DYNC2H1: variants seen among roughly 807,000 people sequenced by gnomAD.
The protein encoded by DYNC2H1 is cytoplasmic dynein 2 heavy chain 1.
A neutral mutation model predicts 570.0 loss-of-function variants in DYNC2H1; 410 were observed. That is an observed-to-expected ratio of 0.72 (90% CI 0.66 to 0.78). The LOEUF (loss-of-function observed/expected upper bound fraction) is 0.78. Among genes scored for constraint, DYNC2H1 ranks in the 30% least tolerant of loss-of-function variants. The probability of loss-of-function intolerance (pLI) is 0.00; values close to 1 mark genes in which losing one functional copy is unlikely to be tolerated. For missense variants in DYNC2H1, 4,865 were observed against 5,046.4 expected, an observed-to-expected ratio of 0.96 and a Z score of 1.09; for synonymous variants, 1,688 against 1,677.6, an observed-to-expected ratio of 1.01 and a Z score of -0.15.
At position 103,239,131 on chromosome 11, in the gene DYNC2H1, G is replaced by A. The variant is rs1015167975; in HGVS notation, c.9819+2592G>A. On this transcript the variant is annotated intron_variant, in intron 63 of 88. Transcript: ENST00000375735. This position sits in a 1 kb window ranked among gnomAD's most constrained non-coding sequence, Gnocchi z 4.3. Reference sequence around the variant, plus strand: ...CTAATTAAAATATCAGATTTTATATGGGTTTTTCTTGTGATGACATCTATT... The same window carrying A: ...CTAATTAAAATATCAGATTTTATATAGGTTTTTCTTGTGATGACATCTATT... Among the ~76,000 whole-genome samples, 3 of 152,086 alleles carry A rather than the reference G, an allele frequency of 2.0e-5. No individual in the cohort carries two copies. Among genetic ancestry groups the A allele is most frequent in the African/African-American group, 4.8e-5 (2 of 41,428 alleles).
At chr11:103,339,003 C>G (rs1334485548) in intron 82 of DYNC2H1, among the ~76,000 whole-genome samples, 1 of 152,188 alleles carries the variant, frequency 6.6e-6, no homozygotes, top group Non-Finnish European at 1.5e-5. Flanking sequence ...AGTGTTGTTA[C>G]CATAGCTGTA....
rs1259874942 is a variant in DYNC2H1 at position 103,186,478 on chromosome 11, A to G, written c.6870A>G (p.Val2290=). ...SSDTKQPFIL[V]GPEGCGKGML... is the part of the protein sequence containing the mutation. ...ATACTAAACAGCCCTTTATTCTGGT[A>G]GGACCAGAAGGATGTGGCAAAGGGT... Residue 2290 remains valine, a synonymous_variant, in exon 42 of 89, where the codon GTA becomes GTG. Transcript: ENST00000375735. The surrounding 1 kb of genome is among the most constrained non-coding windows in gnomAD (Gnocchi z 4.5). 1 of 1,611,432 alleles carries G rather than the reference A, an allele frequency of 6.2e-7. No individual in the cohort carries two copies. Among genetic ancestry groups the G allele is most frequent in the South Asian group, 1.1e-5 (1 of 91,050 alleles).
At chr11:103,200,862 C>T (rs973823189) in intron 50 of DYNC2H1, among the ~76,000 whole-genome samples, 6 of 152,298 alleles carry the variant, frequency 3.9e-5, no homozygotes, top group Admixed American at 3.9e-4. Flanking sequence ...GAGTCTTGCT[C>T]TGTCGCCAGG....
At position 103,479,129 on chromosome 11, in the gene DYNC2H1, T is replaced by C; in HGVS notation, c.12800T>C (p.Ile4267Thr). The change falls in exon 89 of 89, where the codon ATC becomes ACC. Residue 4267 changes from isoleucine (I) to threonine (T), a missense_variant. Physicochemically the swap from Ile to Thr is moderately conservative, Grantham distance 89. Coordinates refer to ENST00000375735, the MANE Select transcript of DYNC2H1 (RefSeq NM_001377.3). ...ACGPYSPDEC[I>T]SLPVYTSAER... Reference sequence around the variant, plus strand: ...GGTCCATATTCTCCGGATGAGTGCATCTCTTTGCCTGTTTACACAAGTGCT... The same window carrying C: ...GGTCCATATTCTCCGGATGAGTGCACCTCTTTGCCTGTTTACACAAGTGCT... The C allele has an allele frequency of 6.2e-7, 1 of 1,613,832 alleles. No homozygotes were observed. The highest frequency in any genetic ancestry group is 8.5e-7 in the Non-Finnish European group (1 of 1,179,760).
chr11:103,259,549 A>T (rs988771366), intron 69 of DYNC2H1, among the ~76,000 whole-genome samples: 9 of 152,118 alleles, frequency 5.9e-5, no homozygotes, highest in African/African-American at 2.2e-4. Flanking sequence ...CTGGATTGAT[A>T]ATTATAATAT....
Position 103,285,829 on chromosome 11 carries a change from T to C in DYNC2H1, c.10891-426T>C, listed in dbSNP as rs114967643. On this transcript the variant is annotated intron_variant, in intron 73 of 88. Transcript: ENST00000375735. ...ACAAGGCAGGACACAAAGCCCCTGA[T>C]TGAGGCCTAGTCAAAGAGAGCTCAG... Among the ~76,000 whole-genome samples, 193 of 152,232 alleles carry C rather than the reference T, an allele frequency of 1.3e-3. 1 individual carries two copies. Among genetic ancestry groups the C allele is most frequent in the African/African-American group, 4.4e-3 (181 of 41,540 alleles).
intron 84 of DYNC2H1, among the ~76,000 whole-genome samples, chr11:103,400,474 T>C (rs1385483725): frequency 2.6e-5 from 4 of 152,192 alleles, no homozygotes; most frequent in Admixed American, 6.5e-5. Flanking sequence ...AATCAACACT[T>C]CTTGTGCTGA....
intron 12 of DYNC2H1, among the ~76,000 whole-genome samples, chr11:103,126,833 T>G (rs894172819): frequency 2.0e-5 from 3 of 152,052 alleles, no homozygotes; most frequent in Non-Finnish European, 4.4e-5. Flanking sequence ...AGAGATAGAG[T>G]TTCACCATGT....
At chr11:103,250,541 C>T (rs933208681) in intron 65 of DYNC2H1, among the ~76,000 whole-genome samples, 1 of 152,006 alleles carries the variant, frequency 6.6e-6, no homozygotes, top group South Asian at 2.1e-4. Context: ...ACCATATTTC[C>T]CAAGTCTGTG....
In DYNC2H1 at chr11:103,176,521, T is replaced by C. The variant is rs968172406; in HGVS notation, c.5874+87T>C. The C allele has an allele frequency of 7.5e-6, 8 of 1,067,708 alleles. No homozygotes were observed. The African/African-American group carries it at 1.3e-4, about 18-fold the overall frequency. 66.1% of individuals were successfully genotyped at this position (1,067,708 alleles called of 1,614,324 possible). ...TATCCTTGTCCTTCATCTTTCAACT[T>C]ATCTTTTATCTTTCAACTTAGATCT... On this transcript the variant is annotated intron_variant, in intron 37 of 88. Coordinates refer to ENST00000375735, the MANE Select transcript of DYNC2H1 (RefSeq NM_001377.3).
At chr11:103,370,798 G>A (rs1443852411) in intron 83 of DYNC2H1, among the ~76,000 whole-genome samples, 1 of 152,138 alleles carries the variant, frequency 6.6e-6, no homozygotes, top group African/African-American at 2.4e-5. Flanking sequence ...GTAGAGCTTA[G>A]ATCACAACAC....
chr11:103,442,845 A>G (rs1387758745), intron 85 of DYNC2H1, among the ~76,000 whole-genome samples: 1 of 152,102 alleles, frequency 6.6e-6, no homozygotes, highest in African/African-American at 2.4e-5. Flanking sequence ...GGTTTCTTGA[A>G]GAATCAGCAA....
At position 103,151,460 on chromosome 11, in the gene DYNC2H1, G is replaced by T. The variant is rs935160845; in HGVS notation, c.2947-676G>T. 3.9e-5 allele frequency among the ~76,000 whole-genome samples: 6 copies of T among 152,040 alleles called. No homozygotes were observed. Among genetic ancestry groups the T allele is most frequent in the African/African-American group, 1.4e-4 (6 of 41,396 alleles). On this transcript the variant is annotated intron_variant, in intron 20 of 88. Coordinates refer to ENST00000375735, the MANE Select transcript of DYNC2H1 (RefSeq NM_001377.3). The surrounding 1 kb of genome is among the most constrained non-coding windows in gnomAD (Gnocchi z 4.6). The stretch of plus-strand genomic sequence containing the variant: ...TACTGATATTTAAAAATGTTTAAAT[G>T]GATTTTATTGCTTTATTGAATAGTA...
At chr11:103,327,605 A>G (rs1001629957) in intron 82 of DYNC2H1, among the ~76,000 whole-genome samples, 1 of 152,140 alleles carries the variant, frequency 6.6e-6, no homozygotes, top group African/African-American at 2.4e-5. Flanking sequence ...GTTTGGATCA[A>G]TTATCTAATG....
chr11:103,468,510 C>A lies in DYNC2H1; in HGVS notation c.12649-79C>A, dbSNP rs190337679. The A allele has an allele frequency of 1.3e-3, 1,183 of 923,400 alleles. 21 individuals carry two copies. In the African/African-American group the frequency reaches 0.016, roughly 13 times the overall value. 57.2% of individuals were successfully genotyped at this position (923,400 alleles called of 1,614,324 possible). On this transcript the variant is annotated intron_variant, in intron 87 of 88. Coordinates refer to ENST00000375735, the MANE Select transcript of DYNC2H1 (RefSeq NM_001377.3). Reference sequence around the variant, plus strand: ...TCGGTGAACACAATGGAAAGCATAGCTCTTAAGGTAGAATAGAGTAACCTC... The same window carrying A: ...TCGGTGAACACAATGGAAAGCATAGATCTTAAGGTAGAATAGAGTAACCTC...
At chr11:103,409,722 T>C (rs1943004347) in intron 84 of DYNC2H1, 1 of 154,838 alleles carries the variant, frequency 6.5e-6, no homozygotes, top group Non-Finnish European at 1.4e-5. Context: ...TCACTGCTAC[T>C]CATGAATCTT....
chr11:103,294,924 A>C (rs755336162), intron 75 of DYNC2H1, among the ~76,000 whole-genome samples: 1 of 152,144 alleles, frequency 6.6e-6, no homozygotes, highest in South Asian at 2.1e-4. Context: ...TCCAATTTGC[A>C]AGACATAATC....
chr11:103,305,209 C>G lies in DYNC2H1; in HGVS notation c.11382+489C>G, dbSNP rs1035235613. 1.3e-5 allele frequency among the ~76,000 whole-genome samples: 2 copies of G among 152,092 alleles called. No homozygotes were observed. The highest frequency in any genetic ancestry group is 1.5e-5 in the Non-Finnish European group (1 of 68,020). ...TTTACATGCAAACCTAGATTTTATT[C>G]TAGTGCTTATTTAAGAAAGATGAGT... On this transcript the variant is annotated intron_variant, in intron 77 of 88. Transcript: ENST00000375735. This position sits in a 1 kb window ranked among gnomAD's most constrained non-coding sequence, Gnocchi z 4.3.
At chr11:103,440,871 C>T (rs12276268) in intron 85 of DYNC2H1, among the ~76,000 whole-genome samples, 6,485 of 152,138 alleles carry the variant, frequency 0.043, 455 homozygotes, top group African/African-American at 0.15. Context: ...TTTTACTATC[C>T]GTACTACCAC....
Sources: gnomAD v4.1 joint callset for allele counts (sites outside exome capture counted in the v4.1 genomes callset) on GRCh38, gnomAD v4.1.1 for gene constraint, Gnocchi (gnomAD v3.1) non-coding constraint, MANE v1.5 for transcripts, NCBI Gene and HGNC (gene_info 2026-07-23, HGNC 2026-07-21) for gene names.